TUBGCP5: variants seen among roughly 807,000 people sequenced by gnomAD.
TUBGCP5 encodes the protein gamma-tubulin complex component 5.
TUBGCP5 carries 98 observed loss-of-function variants against 134.7 expected under a neutral mutation model. The ratio of observed to expected loss-of-function variants is 0.73; its 90% CI spans 0.62 to 0.86. TUBGCP5 has a LOEUF of 0.86. Ranked by LOEUF, TUBGCP5 falls within the 40% of genes least tolerant of loss-of-function variation. The pLI is 0.00. For missense variants in TUBGCP5, 1,150 were observed against 1,244.8 expected, an observed-to-expected ratio of 0.92 and a Z score of 1.15; for synonymous variants, 456 against 431.4, an observed-to-expected ratio of 1.06 and a Z score of -0.71.
chr15:22,996,568 T>C (rs13380035), downstream of TUBGCP5, among the ~76,000 whole-genome samples: 20,502 of 152,108 alleles, frequency 0.13, 1,820 homozygotes, highest in East Asian at 0.46. Flanking sequence ...TCACTGCCAC[T>C]TCCAACTCCC....
rs62009509 is a variant in TUBGCP5 at position 23,013,326 on chromosome 15, G to A, written c.1757-1995C>T. Among the ~76,000 whole-genome samples the A allele has an allele frequency of 0.21, 31,527 of 151,766 alleles. 3,779 individuals are homozygous for A. The highest frequency in any genetic ancestry group is 0.27 in the South Asian group (1,311 of 4,808). The stretch of plus-strand genomic sequence containing the variant: ...AAATTAGCCGGGCACGGTGGTGTGC[G>A]CCTGTAGTCCCAGCTGCTGGGGAGG... On this transcript the variant is annotated intron_variant, in intron 13 of 22. Transcript: ENST00000615383. This position sits in a 1 kb window ranked among gnomAD's most constrained non-coding sequence, Gnocchi z 4.5.
At chr15:22,993,146 C>A (rs2063904650) in intron 23 of TUBGCP5, among the ~76,000 whole-genome samples, 1 of 152,174 alleles carries the variant, frequency 6.6e-6, no homozygotes, top group South Asian at 2.1e-4. Context: ...GTCGCCCAGG[C>A]TGGAGTGTAG....
intron 10 of TUBGCP5, among the ~76,000 whole-genome samples, chr15:23,022,660 CCT>C (rs1331011285): frequency 2.6e-5 from 4 of 152,162 alleles, no homozygotes; most frequent in Non-Finnish European, 5.9e-5. Flanking sequence ...CACACCCACC[CCT>C]GTTCAAAGCA....
At chr15:22,995,511 A>T (rs1270862590), downstream of TUBGCP5, among the ~76,000 whole-genome samples, 1 of 150,588 alleles carries the variant, frequency 6.6e-6, no homozygotes, top group African/African-American at 2.4e-5. Flanking sequence ...TCATCTGCAA[A>T]CACACACCAG....
intron 23 of TUBGCP5, among the ~76,000 whole-genome samples, chr15:22,983,980 C>T (rs1286995857): frequency 6.6e-6 from 1 of 151,936 alleles, no homozygotes; most frequent in African/African-American, 2.4e-5. Flanking sequence ...ATTAGCTGGG[C>T]ATAGTAGGCG....
intron 1 of TUBGCP5, among the ~76,000 whole-genome samples, chr15:23,039,056 T>TG (rs1299084930): frequency 6.6e-6 from 1 of 150,686 alleles, no homozygotes; most frequent in African/African-American, 2.4e-5. Context: ...ATTATAAACA[T>TG]GGAGTTGCTA....
At chr15:23,000,714 A>G in intron 21 of TUBGCP5, 45 bp from the exon 22 acceptor site, 1 of 1,436,830 alleles carries the variant, frequency 7.0e-7, no homozygotes. Context: ...CATTGCGGGT[A>G]TATAGGTAGG....
In TUBGCP5 at chr15:23,018,122, A is replaced by G. The variant is rs553736678; in HGVS notation, c.1488-81T>C. 430 of 1,358,746 alleles carry G rather than the reference A, an allele frequency of 3.2e-4. 3 individuals carry two copies. In the South Asian group the frequency reaches 5.4e-3, roughly 17 times the overall value. The allele number at this position is 1,358,746 out of a possible 1,614,324, so 84.2% of individuals were successfully genotyped here. A position where few individuals can be genotyped will look rare whatever the true frequency, so the allele number is the denominator to read the frequency against. Reference sequence around the variant, plus strand: ...ACTTGTTCTAGTTTGTTGTCCAGACATTATAAAACATAGTATTAATTATTA... The same window carrying G: ...ACTTGTTCTAGTTTGTTGTCCAGACGTTATAAAACATAGTATTAATTATTA... On this transcript the variant is annotated intron_variant, in intron 12 of 22. Transcript: ENST00000615383.
chr15:23,038,702 T>C (rs1470718216), intron 1 of TUBGCP5, among the ~76,000 whole-genome samples: 1 of 152,200 alleles, frequency 6.6e-6, no homozygotes, highest in Non-Finnish European at 1.5e-5. Flanking sequence ...ATAATTTCAT[T>C]ATGGGTAATG....
downstream of TUBGCP5, among the ~76,000 whole-genome samples, chr15:22,998,516 T>G (rs1290173044): frequency 2.0e-5 from 3 of 152,246 alleles, no homozygotes; most frequent in African/African-American, 7.2e-5. Context: ...TGGAGTGCAG[T>G]GATGCAATCA....
At chr15:23,008,548 G>A (rs1192520105) in intron 16 of TUBGCP5, 151 bp downstream of exon 16, 12 of 1,007,500 alleles carry the variant, frequency 1.2e-5, no homozygotes, top group East Asian at 7.9e-5. Flanking sequence ...GTGAGCCACC[G>A]TGCCTGGCCT....
intron 1 of TUBGCP5, among the ~76,000 whole-genome samples, chr15:23,039,144 G>A (rs893898477): frequency 3.9e-5 from 6 of 152,042 alleles, no homozygotes; most frequent in Admixed American, 2.6e-4. Flanking sequence ...CGGCCGGCAA[G>A]AAACCCAGTT....
Position 23,039,405 on chromosome 15 carries a change from T to C in TUBGCP5, c.139A>G (p.Asn47Asp). Residue 47 changes from asparagine to aspartate, a missense_variant, in exon 1 of 23, where the codon AAC (asparagine) becomes GAC (aspartate). Asn to Asp is a conservative substitution (Grantham distance 23). Around this residue, in one of 2 missense-constraint regions of TUBGCP5, gnomAD observed 453 missense variants for 394.7 expected, o/e 1.15. Transcript: ENST00000615383. Reference protein sequence around the residue: ...FQLALNFAWSNFRFHRFLDVN... With the variant: ...FQLALNFAWSDFRFHRFLDVN... ...GCGCGCCGTGCCCCACACCTGAAGTTGGACCAGGCGAAGTTTAGGGCGAGC... is the reference window on the plus strand; with the variant it reads ...GCGCGCCGTGCCCCACACCTGAAGTCGGACCAGGCGAAGTTTAGGGCGAGC... The C allele has an allele frequency of 6.7e-7, 1 of 1,499,052 alleles. No homozygotes were observed. The highest frequency in any genetic ancestry group is 9.0e-7 in the Non-Finnish European group (1 of 1,115,476). The allele number at this position is 1,499,052 out of a possible 1,614,324, so 92.9% of individuals were successfully genotyped here.
At chr15:23,029,360 T>TACAG (rs2066166243) in intron 6 of TUBGCP5, among the ~76,000 whole-genome samples, 1 of 152,172 alleles carries the variant, frequency 6.6e-6, no homozygotes, top group Non-Finnish European at 1.5e-5. Flanking sequence ...TAGCTGGGAT[T>TACAG]ACAGGCATGC....
At chr15:22,984,016 A>C (rs1379149334) in intron 23 of TUBGCP5, among the ~76,000 whole-genome samples, 1 of 152,076 alleles carries the variant, frequency 6.6e-6, no homozygotes. Context: ...GCTACCACTG[A>C]GGCTGAGGCA....
intron 8 of TUBGCP5, among the ~76,000 whole-genome samples, chr15:23,025,272 A>G (rs924347655): frequency 6.6e-6 from 1 of 152,210 alleles, no homozygotes; most frequent in Non-Finnish European, 1.5e-5. Flanking sequence ...GGAAGACATC[A>G]ATCTTTTCAT....
At chr15:22,996,511 A>C (rs937113504), downstream of TUBGCP5, among the ~76,000 whole-genome samples, 3 of 152,084 alleles carry the variant, frequency 2.0e-5, no homozygotes, top group African/African-American at 7.2e-5. Flanking sequence ...TTTGAATCAG[A>C]GTCTTGCTCT....
Position 23,039,469 on chromosome 15 carries a change from A to C in TUBGCP5, c.75T>G (p.Gly25=). 3 of 1,541,708 alleles carry C rather than the reference A, an allele frequency of 1.9e-6. No individual in the cohort carries two copies. Among genetic ancestry groups the C allele is most frequent in the Non-Finnish European group, 2.6e-6 (3 of 1,141,774 alleles). ...QERDVRELVR[G]VAGLQDEADP... ...CTGCCTCGTCCTGGAGGCCGGCGACACCCCGGACGAGCTCCCGCACGTCGC... is the reference window on the plus strand; with the variant it reads ...CTGCCTCGTCCTGGAGGCCGGCGACCCCCCGGACGAGCTCCCGCACGTCGC... The change falls in exon 1 of 23, where the codon GGT becomes GGG. Residue 25 remains glycine, a synonymous_variant. Coordinates refer to ENST00000615383, the MANE Select transcript of TUBGCP5 (RefSeq NM_052903.6).
At chr15:23,032,069 C>G in intron 4 of TUBGCP5, 40 bp from the exon 5 acceptor site, 3 of 1,494,528 alleles carry the variant, frequency 2.0e-6, no homozygotes, top group Admixed American at 1.9e-5. Flanking sequence ...TTTATTATAT[C>G]TATCTTTGAA....
Sources: allele counts gnomAD v4.1 joint callset (sites outside exome capture counted in the v4.1 genomes callset), GRCh38; gene constraint gnomAD v4.1.1; regional missense constraint gnomAD v4.1.1; non-coding constraint Gnocchi (gnomAD v3.1); transcripts MANE v1.5; gene names NCBI Gene and HGNC (gene_info 2026-07-23, HGNC 2026-07-21).